The following PHTF2 variants were observed in gnomAD, a reference collection of about 807,000 sequenced individuals.
PHTF2 encodes the protein protein PHTF2.
A neutral mutation model predicts 101.2 loss-of-function variants in PHTF2; 60 were observed. The observed-to-expected ratio is 0.59, with a 90% CI of 0.48 to 0.73. The LOEUF (loss-of-function observed/expected upper bound fraction) is 0.73. PHTF2 is among the 30% of genes least tolerant of loss of function. The pLI, the probability that PHTF2 is intolerant of heterozygous loss-of-function variation, is 0.00. For missense variants in PHTF2, 747 were observed against 908.7 expected, an observed-to-expected ratio of 0.82 and a Z score of 2.29; for synonymous variants, 311 against 307.3, an observed-to-expected ratio of 1.01 and a Z score of -0.13.
intron 1 of PHTF2, among the ~76,000 whole-genome samples, chr7:77,832,581 A>G (rs552609282): frequency 2.6e-5 from 4 of 152,334 alleles, no homozygotes; most frequent in African/African-American, 9.6e-5. Flanking sequence ...CAAAACACTG[A>G]AAAGTCTGTT....
intron 1 of PHTF2, among the ~76,000 whole-genome samples, chr7:77,834,335 A>T (rs1259842761): frequency 9.5e-5 from 14 of 146,626 alleles, no homozygotes; most frequent in East Asian, 4.0e-4. Flanking sequence ...AAAAAAAAAA[A>T]TTTTAAACGG....
chr7:77,896,572 A>C (rs1396763910), intron 5 of PHTF2, among the ~76,000 whole-genome samples: 1 of 152,134 alleles, frequency 6.6e-6, no homozygotes, highest in African/African-American at 2.4e-5. Context: ...ACATACATAC[A>C]TAAATAATAA....
intron 3 of PHTF2, among the ~76,000 whole-genome samples, chr7:77,873,306 T>G (rs1798670967): frequency 6.6e-6 from 1 of 152,174 alleles, no homozygotes; most frequent in Non-Finnish European, 1.5e-5. Context: ...TAAATTCAGC[T>G]TGATCCAACT....
intron 15 of PHTF2, among the ~76,000 whole-genome samples, chr7:77,942,322 C>T (rs137905198): frequency 2.6e-5 from 4 of 152,176 alleles, no homozygotes; most frequent in Non-Finnish European, 5.9e-5. Flanking sequence ...CCTCCTAGTT[C>T]CTGTGAAGGT....
intron 9 of PHTF2, among the ~76,000 whole-genome samples, chr7:77,912,403 T>C (rs1348727526): frequency 6.6e-6 from 1 of 152,170 alleles, no homozygotes; most frequent in Non-Finnish European, 1.5e-5. Flanking sequence ...CTTGATGATA[T>C]TTTCTTCTTT....
At chr7:77,949,608 GTTTA>G (rs1478468735) in intron 16 of PHTF2, 66 bp from the exon 16 acceptor site, 2 of 762,318 alleles carry the variant, frequency 2.6e-6, no homozygotes, top group East Asian at 5.4e-5. Context: ...AACAATCTAT[GTTTA>G]TTTCTTTTGA....
intron 3 of PHTF2, among the ~76,000 whole-genome samples, chr7:77,867,717 A>G (rs1798182001): frequency 1.3e-5 from 2 of 152,176 alleles, no homozygotes; most frequent in African/African-American, 2.4e-5. Flanking sequence ...AAAATTATCT[A>G]ATAGTAGATA....
At chr7:77,802,437 A>C (rs1243055951) in intron 1 of PHTF2, among the ~76,000 whole-genome samples, 1 of 152,106 alleles carries the variant, frequency 6.6e-6, no homozygotes, top group East Asian at 1.9e-4. Flanking sequence ...CCATCCCTTA[A>C]CCCCTTTACC....
At chr7:77,859,540 G>A (rs1470267257) in intron 3 of PHTF2, among the ~76,000 whole-genome samples, 2 of 150,218 alleles carry the variant, frequency 1.3e-5, no homozygotes, top group East Asian at 3.9e-4. Context: ...AACAGGAAGT[G>A]AGAATTTCTT....
chr7:77,878,444 T>TGTAGGAGCAACTGGGGA (rs1000112619), intron 3 of PHTF2, among the ~76,000 whole-genome samples: 1 of 152,160 alleles, frequency 6.6e-6, no homozygotes, highest in African/African-American at 2.4e-5. Context: ...TGATGTTATC[T>TGTAGGAGCAACTGGGGA]GTAGGAGCAA....
intron 3 of PHTF2, among the ~76,000 whole-genome samples, chr7:77,857,601 C>T (rs1457110994): frequency 6.6e-6 from 1 of 152,148 alleles, no homozygotes; most frequent in Non-Finnish European, 1.5e-5. Flanking sequence ...CAGCTGAACA[C>T]CTGTGTAAAA....
chr7:77,916,621 A>T (rs1562947059), intron 9 of PHTF2, among the ~76,000 whole-genome samples: 4 of 151,830 alleles, frequency 2.6e-5, no homozygotes, highest in African/African-American at 9.7e-5. Flanking sequence ...GTTCTGGGAT[A>T]CCTCCACCCA....
intron 12 of PHTF2, among the ~76,000 whole-genome samples, chr7:77,935,129 CCA>C (rs1481641670): frequency 0.53 from 65,975 of 124,330 alleles, 18,311 homozygotes; most frequent in East Asian, 0.72. Context: ...TTCCCCCCCC[CCA>C]CACACACACA....
At position 77,908,922 on chromosome 7, in the gene PHTF2, C is replaced by G; in HGVS notation, c.575C>G (p.Pro192Arg). Residue 192 changes from proline to arginine, a missense_variant, in exon 8 of 20, where the codon CCC becomes CGC. Physicochemically the swap from Pro to Arg is moderately radical, Grantham distance 103. This residue lies in a region of PHTF2 where 92 missense variants were observed against 98.9 expected (regional missense o/e 0.93). Coordinates refer to ENST00000416283, the Ensembl canonical transcript of PHTF2. ...TGCCAGATTGTTTCCACAAGAACAC[C>G]CAAACCTCCTCTAAGTACAGGGGGT... is the stretch of plus-strand genomic sequence containing the variant. 6.2e-7 allele frequency: 1 copy of G among 1,612,620 alleles called. No individual in the cohort carries two copies. Among genetic ancestry groups the G allele is most frequent in the Admixed American group, 1.7e-5 (1 of 59,846 alleles).
At chr7:77,888,930 T>C (rs1800117816) in intron 3 of PHTF2, among the ~76,000 whole-genome samples, 1 of 152,122 alleles carries the variant, frequency 6.6e-6, no homozygotes, top group African/African-American at 2.4e-5. Context: ...TATTCGTGTT[T>C]AGAGGTAAAA....
chr7:77,865,373 G>A (rs1797971237), intron 3 of PHTF2, among the ~76,000 whole-genome samples: 1 of 152,016 alleles, frequency 6.6e-6, no homozygotes, highest in African/African-American at 2.4e-5. Context: ...CTACAGGCAT[G>A]CGTCACCATG....
chr7:77,828,171 G>T (rs1470772096), intron 1 of PHTF2, among the ~76,000 whole-genome samples: 1 of 152,152 alleles, frequency 6.6e-6, no homozygotes, highest in Non-Finnish European at 1.5e-5. Context: ...CTGATAGGTT[G>T]GTGGTAAAAC....
At chr7:77,943,930 A>G (rs1309518887) in intron 16 of PHTF2, among the ~76,000 whole-genome samples, 6 of 152,124 alleles carry the variant, frequency 3.9e-5, no homozygotes, top group Non-Finnish European at 8.8e-5. Flanking sequence ...AGGCATGAGA[A>G]TTGCTTGAAC....
chr7:77,903,500 G>C (rs1273918863), intron 7 of PHTF2, among the ~76,000 whole-genome samples: 1 of 152,132 alleles, frequency 6.6e-6, no homozygotes, highest in Non-Finnish European at 1.5e-5. Flanking sequence ...AGTTTCCAAT[G>C]TAACTAAAAG....
Sources: allele counts gnomAD v4.1 joint callset (sites outside exome capture counted in the v4.1 genomes callset), GRCh38; gene constraint gnomAD v4.1.1; regional missense constraint gnomAD v4.1.1; transcripts MANE v1.5; gene names NCBI Gene and HGNC (gene_info 2026-07-23, HGNC 2026-07-21).